DAB1: variants seen among roughly 807,000 people sequenced by gnomAD.
DAB1 encodes disabled homolog 1.
In DAB1, 15 loss-of-function variants were observed where a neutral mutation model predicts 64.6. That is an observed-to-expected ratio of 0.23 (90% confidence interval 0.16 to 0.36). DAB1 has a LOEUF of 0.36. Among genes scored for constraint, DAB1 ranks in the 10% least tolerant of loss-of-function variants. The pLI is 1.00. For missense variants in DAB1, 596 were observed against 706.7 expected (o/e 0.84, Z 1.78); for synonymous variants, 235 against 251.9 (o/e 0.93, Z 0.64).
At chr1:57,400,246 T>C (rs144049079) in intron 1 of DAB1, among the ~76,000 whole-genome samples, 3 of 152,240 alleles carry the variant, frequency 2.0e-5, no homozygotes, top group Non-Finnish European at 2.9e-5. Context: ...TATTGCAGCA[T>C]TGATTTTTCA....
intron 2 of DAB1, among the ~76,000 whole-genome samples, chr1:57,180,049 T>TC (rs1662747446): frequency 6.6e-6 from 1 of 152,206 alleles, no homozygotes; most frequent in Admixed American, 6.5e-5. Context: ...ACTGTTTGCA[T>TC]CCTGGCTCAA....
At chr1:57,629,417 C>T (rs1645961101) in intron 7 of DAB1, among the ~76,000 whole-genome samples, 2 of 151,950 alleles carry the variant, frequency 1.3e-5, no homozygotes, top group Non-Finnish European at 2.9e-5. Flanking sequence ...GCTCTAGGGC[C>T]CTATAGAGGT....
intron 6 of DAB1, among the ~76,000 whole-genome samples, chr1:57,686,288 G>C (rs575882134): frequency 6.6e-6 from 1 of 152,238 alleles, no homozygotes; most frequent in South Asian, 2.1e-4. Context: ...ACACAAATTA[G>C]AAATTCTAGA....
At chr1:57,562,751 G>C (rs1645067684) in intron 7 of DAB1, among the ~76,000 whole-genome samples, 1 of 152,164 alleles carries the variant, frequency 6.6e-6, no homozygotes, top group Non-Finnish European at 1.5e-5. Flanking sequence ...GGTGGTCTTA[G>C]TTCCAGAGGG....
intron 1 of DAB1, among the ~76,000 whole-genome samples, chr1:57,402,512 A>G (rs1683328997): frequency 6.6e-6 from 1 of 152,202 alleles, no homozygotes; most frequent in African/African-American, 2.4e-5. Context: ...ATATTGCTGC[A>G]ATACACCAGC....
chr1:57,203,567 A>T (rs1665283207), intron 2 of DAB1, among the ~76,000 whole-genome samples: 1 of 152,220 alleles, frequency 6.6e-6, no homozygotes, highest in African/African-American at 2.4e-5. Context: ...GCCCACCTGG[A>T]TTAGGCTCTG....
chr1:57,566,102 G>C (rs1308405569), intron 7 of DAB1, among the ~76,000 whole-genome samples: 1 of 152,162 alleles, frequency 6.6e-6, no homozygotes, highest in Non-Finnish European at 1.5e-5. Flanking sequence ...AATCAAACTA[G>C]AACTCAGGAT....
intron 3 of DAB1, among the ~76,000 whole-genome samples, chr1:58,399,864 G>T (rs1442287398): frequency 6.6e-6 from 1 of 152,110 alleles, no homozygotes; most frequent in Non-Finnish European, 1.5e-5. Flanking sequence ...TCTAGAAAAT[G>T]CCAAACCAAG....
intron 1 of DAB1, among the ~76,000 whole-genome samples, chr1:57,326,240 G>C (rs868675823): frequency 6.6e-6 from 1 of 152,134 alleles, no homozygotes; most frequent in African/African-American, 2.4e-5. Flanking sequence ...AATCATCCCT[G>C]GAAATGCACT....
At chr1:57,125,390 T>C (rs968138882) in intron 4 of DAB1, among the ~76,000 whole-genome samples, 1 of 152,196 alleles carries the variant, frequency 6.6e-6, no homozygotes, top group African/African-American at 2.4e-5. Flanking sequence ...TAGTGCTCCA[T>C]ACATAGTACC....
At chr1:57,187,931 GAGAC>G (rs968183969) in intron 2 of DAB1, among the ~76,000 whole-genome samples, 2 of 152,130 alleles carry the variant, frequency 1.3e-5, no homozygotes, top group African/African-American at 4.8e-5. Flanking sequence ...AGGAGAAAGA[GAGAC>G]AGACAGACAC....
chr1:57,528,096 A>T (rs1053200805), intron 7 of DAB1, among the ~76,000 whole-genome samples: 1 of 152,186 alleles, frequency 6.6e-6, no homozygotes, highest in Non-Finnish European at 1.5e-5. Flanking sequence ...AACTTTAACT[A>T]TGATAAATAT....
chr1:57,013,635 C>T (rs1162652498), intron 12 of DAB1, among the ~76,000 whole-genome samples: 1 of 151,820 alleles, frequency 6.6e-6, no homozygotes, highest in African/African-American at 2.4e-5. Context: ...TTTTTTTTGA[C>T]AGTTCACAGT....
intron 3 of DAB1, among the ~76,000 whole-genome samples, chr1:58,423,240 C>T (rs907324400): frequency 1.3e-5 from 2 of 152,174 alleles, no homozygotes; most frequent in South Asian, 4.1e-4. Flanking sequence ...GCTCCTTTGG[C>T]CATTCCCTTG....
At chr1:57,727,726 C>CTCCTTCCTTCCTTCATTCCTTCCTTCCT in intron 6 of DAB1, among the ~76,000 whole-genome samples, 1 of 137,124 alleles carries the variant, frequency 7.3e-6, no homozygotes, top group South Asian at 2.6e-4. Context: ...CCTTCCTTCT[C>CTCCTTCCTTCCTTCATTCCTTCCTTCCT]TCCTTCCTTC....
In DAB1 at chr1:57,518,879, T is replaced by C. The variant is rs563583733; in HGVS notation, n.625+130713A>G. Among the ~76,000 whole-genome samples, 33 of 152,342 alleles carry C rather than the reference T, an allele frequency of 2.2e-4. No individual in the cohort carries two copies. The South Asian group carries it at 6.8e-3, about 32-fold the overall frequency. On this transcript the variant is annotated intron_variant and non_coding_transcript_variant, in intron 7 of 20. Coordinates refer to the DAB1 transcript ENST00000485760. ...ACCTTTTATATCCTGTTGGTGGTTA[T>C]GTGGCATCATCAGTTTCAACATCTG...
At chr1:57,686,507 A>G (rs566595848) in intron 6 of DAB1, among the ~76,000 whole-genome samples, 1 of 152,188 alleles carries the variant, frequency 6.6e-6, no homozygotes, top group African/African-American at 2.4e-5. Flanking sequence ...TACTGAAACT[A>G]TTCTAAAAAC....
intron 4 of DAB1, among the ~76,000 whole-genome samples, chr1:57,080,144 T>C (rs1274590376): frequency 1.3e-5 from 2 of 152,240 alleles, no homozygotes; most frequent in Non-Finnish European, 2.9e-5. Flanking sequence ...ATTCACATTG[T>C]TCTGCAACTA....
At chr1:57,385,468 A>G (rs947209462) in intron 1 of DAB1, among the ~76,000 whole-genome samples, 2 of 152,194 alleles carry the variant, frequency 1.3e-5, no homozygotes, top group African/African-American at 2.4e-5. Context: ...TAATGCATTC[A>G]GTCAGCAAAC....
Sources: allele counts gnomAD v4.1 joint callset (sites outside exome capture counted in the v4.1 genomes callset), GRCh38; gene constraint gnomAD v4.1.1; transcripts MANE v1.5; gene names NCBI Gene and HGNC (gene_info 2026-07-23, HGNC 2026-07-21).